UQCRC2: variants seen among roughly 807,000 people sequenced by gnomAD.
The protein encoded by UQCRC2 is ubiquinol-cytochrome c reductase core protein 2.
In UQCRC2, 49 loss-of-function variants were observed where a neutral mutation model predicts 55.6. That is an observed-to-expected ratio of 0.88 (90% CI 0.70 to 1.12). The LOEUF is 1.12. Among genes scored for constraint, UQCRC2 ranks in the 50% most tolerant of loss-of-function variants. The pLI is 0.00. For synonymous variants in UQCRC2, 193 were observed against 192.0 expected (o/e 1.01, Z -0.04); for missense variants, 506 against 547.8 (o/e 0.92, Z 0.76).
intron 1 of UQCRC2, 60 bp downstream of exon 1, chr16:21,953,516 C>T (rs1056018590): frequency 6.3e-7 from 1 of 1,591,020 alleles, no homozygotes; most frequent in East Asian, 2.2e-5. Flanking sequence ...CAAGGTGATA[C>T]GAGGCGGAGG....
chr16:21,957,659 A>AT (rs1898111464), intron 3 of UQCRC2, 93 bp downstream of exon 3: 2 of 1,490,026 alleles, frequency 1.3e-6, no homozygotes, highest in Middle Eastern at 1.8e-4. Flanking sequence ...TTATATTTTG[A>AT]TTCCTTGACC....
chr16:21,961,842 A>G (rs959133870), intron 4 of UQCRC2, among the ~76,000 whole-genome samples: 2 of 151,132 alleles, frequency 1.3e-5, no homozygotes, highest in African/African-American at 4.9e-5. Context: ...AGTAGAGACC[A>G]TGGTTTCACC....
In UQCRC2 at chr16:21,961,626, T is replaced by TTATATATATATATATATATA. The variant is rs67999727; in HGVS notation, c.333-810_333-791dup. Among the ~76,000 whole-genome samples, 105 of 64,434 alleles carry TTATATATATATATATATATA rather than the reference T, an allele frequency of 1.6e-3. 1 individual carries two copies. Among genetic ancestry groups the TTATATATATATATATATATA allele is most frequent in the East Asian group, 4.7e-3 (10 of 2,148 alleles). 42.3% of individuals were successfully genotyped at this position (64,434 alleles called of 152,430 possible). On this transcript the variant is annotated intron_variant, in intron 4 of 13. Transcript: ENST00000268379. The stretch of plus-strand genomic sequence containing the variant: ...TGGTCAAATGTATATAACATAAAAT[T>TTATATATATATATATATATA]TATATATATATATATATATATATAT...
In UQCRC2 at chr16:21,957,398, T is replaced by C. The variant is rs752833940; in HGVS notation, c.118-19T>C. ...AATACGAAGACATTCATTATATCTCTACTTTATTTTAAATACAGTTTACCA... is the reference window on the plus strand; with the variant it reads ...AATACGAAGACATTCATTATATCTCCACTTTATTTTAAATACAGTTTACCA... On this transcript the variant is annotated intron_variant, in intron 2 of 13. Transcript: ENST00000268379. 6.2e-7 allele frequency: 1 copy of C among 1,614,014 alleles called. No individual in the cohort carries two copies. Among genetic ancestry groups the C allele is most frequent in the Non-Finnish European group, 8.5e-7 (1 of 1,179,986 alleles).
At chr16:21,973,435 A>T (rs1004236220) in intron 10 of UQCRC2, among the ~76,000 whole-genome samples, 5 of 152,320 alleles carry the variant, frequency 3.3e-5, no homozygotes, top group Middle Eastern at 3.4e-3. Context: ...GATAGCTTGG[A>T]CATCTGGATA....
intron 4 of UQCRC2, chr16:21,959,836 T>G (rs945387539): frequency 6.6e-6 from 1 of 152,248 alleles, no homozygotes; most frequent in African/African-American, 2.4e-5. Flanking sequence ...GTCAATCTCC[T>G]TGTACATCTG....
intron 13 of UQCRC2, 135 bp from the exon 14 acceptor site, chr16:21,982,953 G>T (rs2141951456): frequency 1.3e-6 from 1 of 765,562 alleles, no homozygotes; most frequent in Non-Finnish European, 2.0e-6. Flanking sequence ...GACAGAGCGA[G>T]ACTCCACCTC....
At chr16:21,973,773 G>A in intron 10 of UQCRC2, 123 bp from the exon 11 acceptor site, 1 of 794,324 alleles carries the variant, frequency 1.3e-6, no homozygotes, top group Admixed American at 2.8e-5. Context: ...AACTGGCTAA[G>A]TAAAATATTA....
chr16:21,967,856 C>T (rs1444118383), intron 7 of UQCRC2, among the ~76,000 whole-genome samples: 2 of 152,082 alleles, frequency 1.3e-5, no homozygotes, highest in Non-Finnish European at 2.9e-5. Flanking sequence ...TCTGTTAGCC[C>T]TGTTATAGAA....
intron 4 of UQCRC2, chr16:21,959,854 G>A (rs1457958595): frequency 6.6e-6 from 1 of 152,214 alleles, no homozygotes; most frequent in Admixed American, 6.5e-5. Flanking sequence ...CTGCATCAGA[G>A]CTCTTGGCAT....
chr16:21,973,594 T>G (rs1463569200), intron 10 of UQCRC2, among the ~76,000 whole-genome samples: 2 of 152,200 alleles, frequency 1.3e-5, no homozygotes, highest in Admixed American at 6.5e-5. Flanking sequence ...ATAATAATAA[T>G]GTTTGCAGAT....
At chr16:21,970,024 AT>A (rs1385013696) in intron 8 of UQCRC2, among the ~76,000 whole-genome samples, 1 of 151,974 alleles carries the variant, frequency 6.6e-6, no homozygotes, top group African/African-American at 2.4e-5. Flanking sequence ...GTCTCTATAG[AT>A]TTGACTATTC....
At chr16:21,961,660 A>G (rs1898206534) in intron 4 of UQCRC2, among the ~76,000 whole-genome samples, 1 of 95,204 alleles carries the variant, frequency 1.1e-5, no homozygotes, top group East Asian at 2.5e-4. Flanking sequence ...ATATATATAT[A>G]TATATATATT....
chr16:21,975,092 C>A (rs548703474), intron 11 of UQCRC2, among the ~76,000 whole-genome samples: 15 of 152,222 alleles, frequency 9.9e-5, no homozygotes, highest in African/African-American at 3.6e-4. Flanking sequence ...ATTCAGAAGC[C>A]TAATAGAGAA....
intron 3 of UQCRC2, 77 bp from the exon 4 acceptor site, chr16:21,958,458 C>T (rs2141927328): frequency 7.8e-7 from 1 of 1,275,532 alleles, no homozygotes; most frequent in East Asian, 2.3e-5. Context: ...CTGCTCACAA[C>T]AGATTTTGAT....
intron 12 of UQCRC2, among the ~76,000 whole-genome samples, chr16:21,977,281 G>A (rs763194284): frequency 5.3e-5 from 8 of 151,910 alleles, no homozygotes; most frequent in Admixed American, 1.3e-4. Context: ...TTGAGCCCAC[G>A]AGTTTGAGGC....
rs563990646 is a variant in UQCRC2, at chr16:21,968,662, C to T, written c.647C>T (p.Ala216Val). 6.2e-7 allele frequency: 1 copy of T among 1,609,440 alleles called. No individual in the cohort carries two copies. Among genetic ancestry groups the T allele is most frequent in the Admixed American group, 1.7e-5 (1 of 59,460 alleles). Residue 216 changes from alanine (A) to valine (V), a missense_variant, in exon 8 of 14, where the codon GCA (alanine) becomes GTA (valine). Ala to Val is a moderately conservative substitution (Grantham distance 64). Coordinates refer to ENST00000268379, the MANE Select transcript of UQCRC2 (RefSeq NM_003366.4). ...HYFVQNHFTS[A>V]RMALIGLGVS... ...TTCGTTCAGAACCATTTCACAAGTG[C>T]AAGAATGGCTTTGATTGGACTTGGT...
chr16:21,978,954 C>T (rs886584488), intron 12 of UQCRC2, among the ~76,000 whole-genome samples: 1 of 152,122 alleles, frequency 6.6e-6, no homozygotes, highest in Non-Finnish European at 1.5e-5. Context: ...TCTTCAGACA[C>T]CCCCGAAACC....
chr16:21,954,663 G>C (rs1004445738), intron 1 of UQCRC2, among the ~76,000 whole-genome samples: 1 of 152,136 alleles, frequency 6.6e-6, no homozygotes. Flanking sequence ...AATAAACTTA[G>C]ATATATCTTG....
Sources: gnomAD v4.1 joint callset for allele counts (sites outside exome capture counted in the v4.1 genomes callset) on GRCh38, gnomAD v4.1.1 for gene constraint, MANE v1.5 for transcripts, NCBI Gene and HGNC (gene_info 2026-07-23, HGNC 2026-07-21) for gene names.